Variants in SEC23A observed in about 807,000 individuals in gnomAD.
The protein encoded by SEC23A is protein transport protein Sec23A.
Under a neutral mutation model 103.7 loss-of-function variants are expected in SEC23A, and 56 were observed. The observed-to-expected ratio is 0.54, with a 90% CI of 0.44 to 0.67. The LOEUF is 0.67. Ranked by LOEUF, SEC23A falls within the 30% of genes least tolerant of loss-of-function variation. SEC23A has a pLI of 0.00. For missense variants in SEC23A, 784 were observed against 936.4 expected (o/e 0.84, Z 2.12); for synonymous variants, 281 against 293.0 (o/e 0.96, Z 0.42).
chr14:39,056,476 CT>C (rs532329340), intron 13 of SEC23A, among the ~76,000 whole-genome samples: 13,293 of 142,630 alleles, frequency 0.093, 549 homozygotes, highest in African/African-American at 0.14. Flanking sequence ...GACAAATTAG[CT>C]TTTTTTTTTT....
intron 14 of SEC23A, among the ~76,000 whole-genome samples, chr14:39,050,691 G>C (rs761928897): frequency 6.6e-6 from 1 of 152,192 alleles, no homozygotes; most frequent in African/African-American, 2.4e-5. Context: ...AGTGGCACAG[G>C]CCTGTAGTTC....
Position 39,094,426 on chromosome 14 carries a change from ATATATATATATATATATTTTTT to A in SEC23A, c.222-1204_222-1183del, listed in dbSNP as rs1430261310. 4.8e-4 allele frequency among the ~76,000 whole-genome samples: 24 copies of A among 49,680 alleles called. 4 individuals carry two copies. Among genetic ancestry groups the A allele is most frequent in the African/African-American group, 3.1e-3 (20 of 6,480 alleles). The allele number at this position is 49,680 out of a possible 152,430, so 32.6% of individuals were successfully genotyped here. ...TATATATATATATATATATATATAT[ATATATATATATATATATTTTTT>A]TTTTTTTTTTTTCCCCTCCTGTAGA... On this transcript the variant is annotated intron_variant, in intron 2 of 19. Coordinates refer to ENST00000307712, the MANE Select transcript of SEC23A (RefSeq NM_006364.4).
intron 7 of SEC23A, among the ~76,000 whole-genome samples, chr14:39,079,770 T>A (rs942022703): frequency 2.0e-5 from 3 of 151,816 alleles, no homozygotes; most frequent in African/African-American, 7.3e-5. Flanking sequence ...TGCAGTGAGC[T>A]AAGATTGCAC....
Position 39,074,403 on chromosome 14 carries a change from T to C in SEC23A, c.1103+12A>G. On this transcript the variant is annotated intron_variant, in intron 9 of 19. Transcript: ENST00000307712. ...TTATAATTACAAAAACTGTAAAAAT[T>C]TAAATACATACCCAGTAAGGTTGGG... The C allele has an allele frequency of 6.6e-7, 1 of 1,524,390 alleles. No homozygotes were observed. Among genetic ancestry groups the C allele is most frequent in the Non-Finnish European group, 9.1e-7 (1 of 1,098,940 alleles). The allele number at this position is 1,524,390 out of a possible 1,614,324, so 94.4% of individuals were successfully genotyped here. A position where few individuals can be genotyped will look rare whatever the true frequency, so the allele number is the denominator to read the frequency against.
intron 8 of SEC23A, among the ~76,000 whole-genome samples, chr14:39,075,441 C>T (rs955510946): frequency 2.6e-5 from 4 of 151,752 alleles, no homozygotes; most frequent in Admixed American, 6.6e-5. Context: ...ACAAATAGAA[C>T]GAATATAAGA....
intron 19 of SEC23A, among the ~76,000 whole-genome samples, chr14:39,034,061 A>G (rs569080875): frequency 1.3e-5 from 2 of 152,384 alleles, no homozygotes; most frequent in South Asian, 4.1e-4. Context: ...CTGTGATTCT[A>G]GTCTGGCATA....
In SEC23A at chr14:39,099,192, C is replaced by T. The variant is rs1373612635; in HGVS notation, c.-21-3053G>A. 2.4e-5 allele frequency among the ~76,000 whole-genome samples: 3 copies of T among 124,480 alleles called. No homozygotes were observed. The Admixed American group carries it at 3.0e-4, about 12-fold the overall frequency. 81.7% of individuals were successfully genotyped at this position (124,480 alleles called of 152,430 possible). A position where few individuals can be genotyped will look rare whatever the true frequency, so the allele number is the denominator to read the frequency against. On this transcript the variant is annotated intron_variant, in intron 1 of 19. Coordinates refer to ENST00000307712, the MANE Select transcript of SEC23A (RefSeq NM_006364.4). ...TTTTTTTTTTTGACACGGAGTCTCACTCTGTCACCAGGCTGGAGTGCAGTG... is the reference window on the plus strand; with the variant it reads ...TTTTTTTTTTTGACACGGAGTCTCATTCTGTCACCAGGCTGGAGTGCAGTG...
In SEC23A at chr14:39,091,558, C is replaced by T; in HGVS notation, c.522G>A (p.Gln174=). The T allele has an allele frequency of 6.2e-7, 1 of 1,613,968 alleles. No individual in the cohort carries two copies. Among genetic ancestry groups the T allele is most frequent in the East Asian group, 2.2e-5 (1 of 44,836 alleles). ...TGCCTTCACATCCAAGTTCATGAAC[C>T]TGAACCATTCTCCCAAAAGTAATAA... ...VGLITFGRMV[Q]VHELGCEGIS... Residue 174 remains glutamine, a synonymous_variant, in exon 5 of 20, where the codon CAG becomes CAA. Coordinates refer to ENST00000307712, the MANE Select transcript of SEC23A (RefSeq NM_006364.4).
chr14:39,059,272 C>G (rs1215330558), intron 13 of SEC23A, among the ~76,000 whole-genome samples: 1 of 44,758 alleles, frequency 2.2e-5, no homozygotes, highest in Non-Finnish European at 5.0e-5. Context: ...AGTCATAGTC[C>G]TAGTTTAAAA....
intron 9 of SEC23A, among the ~76,000 whole-genome samples, chr14:39,068,976 C>A (rs570204550): frequency 6.6e-6 from 1 of 152,230 alleles, no homozygotes; most frequent in East Asian, 1.9e-4. Flanking sequence ...GTCTTGCCAA[C>A]TTCACATATT....
At position 39,032,060 on chromosome 14, in the gene SEC23A, T is replaced by C. The variant is rs968664017; in HGVS notation, c.*1179A>G. ...AAGTTTCTGCTTTACCATCATATGA[T>C]TGTGTTCATGCAAGTACAATCATTA... is the stretch of plus-strand genomic sequence containing the variant. On this transcript the variant is annotated 3_prime_UTR_variant, in exon 20 of 20. Coordinates refer to ENST00000307712, the MANE Select transcript of SEC23A (RefSeq NM_006364.4). 1.3e-5 allele frequency: 2 copies of C among 152,644 alleles called. No homozygotes were observed. The highest frequency in any genetic ancestry group is 2.9e-5 in the Non-Finnish European group (2 of 68,014). 9.5% of individuals were successfully genotyped at this position (152,644 alleles called of 1,614,324 possible). A position where few individuals can be genotyped will look rare whatever the true frequency, so the allele number is the denominator to read the frequency against.
chr14:39,064,742 T>C (rs1886598154), intron 11 of SEC23A, 171 bp downstream of exon 11: 1 of 639,682 alleles, frequency 1.6e-6, no homozygotes. Context: ...CTTTTTTTCT[T>C]TTTTGGGGGG....
chr14:39,072,607 G>T (rs1029190672), intron 9 of SEC23A, among the ~76,000 whole-genome samples: 3 of 151,916 alleles, frequency 2.0e-5, no homozygotes, highest in African/African-American at 7.3e-5. Context: ...CCAGGAGTTC[G>T]AGACCAGCCT....
chr14:39,089,176 A>G lies in SEC23A; in HGVS notation c.604-2168T>C, dbSNP rs1031098320. On this transcript the variant is annotated intron_variant, in intron 5 of 19. Transcript: ENST00000307712. ...GCAAGACTCCGTGTCAAAAAAAAAA[A>G]AAAAAAGAAAAAAAAAGGAAGATGT... Among the ~76,000 whole-genome samples the G allele has an allele frequency of 4.0e-5, 6 of 151,254 alleles. No individual in the cohort carries two copies. In the East Asian group the frequency reaches 1.2e-3, roughly 30 times the overall value.
At chr14:39,098,102 A>G (rs571392441) in intron 1 of SEC23A, among the ~76,000 whole-genome samples, 14 of 152,230 alleles carry the variant, frequency 9.2e-5, no homozygotes, top group Admixed American at 7.9e-4. Context: ...AAAAAAAACA[A>G]AACTATTTTG....
chr14:39,094,434 ATATATATAT>A lies in SEC23A; in HGVS notation c.222-1199_222-1191del, dbSNP rs1566515283. Among the ~76,000 whole-genome samples the A allele has an allele frequency of 1.2e-3, 37 of 29,850 alleles. 6 individuals are homozygous for A. The highest frequency in any genetic ancestry group is 4.0e-3 in the African/African-American group (9 of 2,252). 19.6% of individuals were successfully genotyped at this position (29,850 alleles called of 152,430 possible). A position where few individuals can be genotyped will look rare whatever the true frequency, so the allele number is the denominator to read the frequency against. ...TATATATATATATATATATATATAT[ATATATATAT>A]TTTTTTTTTTTTTTTTTCCCCTCCT... On this transcript the variant is annotated intron_variant, in intron 2 of 19. Coordinates refer to ENST00000307712, the MANE Select transcript of SEC23A (RefSeq NM_006364.4).
intron 14 of SEC23A, among the ~76,000 whole-genome samples, chr14:39,051,910 T>C (rs1886074304): frequency 6.6e-6 from 1 of 150,558 alleles, no homozygotes; most frequent in Admixed American, 6.7e-5. Flanking sequence ...GAGGTTGCAG[T>C]GAGCCGAGAT....
chr14:39,077,399 C>T (rs1407655353), intron 7 of SEC23A, among the ~76,000 whole-genome samples: 7 of 151,000 alleles, frequency 4.6e-5, no homozygotes, highest in Admixed American at 1.3e-4. Context: ...AAAAATTAGC[C>T]GGGCATGGTG....
At chr14:39,059,025 A>C (rs1886356382) in intron 13 of SEC23A, among the ~76,000 whole-genome samples, 1 of 152,124 alleles carries the variant, frequency 6.6e-6, no homozygotes, top group South Asian at 2.1e-4. Context: ...TTATTTGTTT[A>C]GACATAAATT....
Sources: gnomAD v4.1 joint callset for allele counts (sites outside exome capture counted in the v4.1 genomes callset) on GRCh38, gnomAD v4.1.1 for gene constraint, MANE v1.5 for transcripts, NCBI Gene and HGNC (gene_info 2026-07-23, HGNC 2026-07-21) for gene names.